Variants in TOMM40 observed in about 807,000 individuals in gnomAD.
TOMM40 encodes the protein mitochondrial import receptor subunit TOM40 homolog.
TOMM40 carries 9 observed loss-of-function variants against 38.4 expected under a neutral mutation model. That is an observed-to-expected ratio of 0.23 (90% confidence interval 0.14 to 0.41). TOMM40 has a LOEUF of 0.41. Ranked by LOEUF, TOMM40 falls within the 10% of genes least tolerant of loss-of-function variation. TOMM40 has a pLI of 1.00. For synonymous variants in TOMM40, 184 were observed against 210.0 expected (o/e 0.88, Z 1.07); for missense variants, 299 against 486.5 (o/e 0.61, Z 3.63).
At chr19:44,901,334 CG>C (rs1568611202) in intron 8 of TOMM40, 24 bp downstream of exon 8, 11 of 1,605,272 alleles carry the variant, frequency 6.9e-6, no homozygotes, top group Non-Finnish European at 9.4e-6. Context: ...TTCCCCTACG[CG>C]GGAAACAGGC....
At chr19:44,901,592 T>G in intron 8 of TOMM40, 5 of 694,120 alleles carry the variant, frequency 7.2e-6, no homozygotes, top group Non-Finnish European at 4.4e-6. Context: ...AAAACAAAAT[T>G]AGCCGGGTGT....
At chr19:44,891,778 A>C in intron 1 of TOMM40, 89 bp downstream of exon 1, 2 of 1,284,874 alleles carry the variant, frequency 1.6e-6, no homozygotes, top group South Asian at 3.9e-5. Context: ...TTTGGCGCGC[A>C]CCATTGGAAT....
rs371552011 is a variant in TOMM40 at position 44,900,851 on chromosome 19, A to G, written c.765A>G (p.Thr255=). The G allele has an allele frequency of 6.8e-6, 11 of 1,613,636 alleles. No homozygotes were observed. In the African/African-American group the frequency reaches 1.3e-4, roughly 20 times the overall value. Residue 255 remains threonine, a splice_region_variant and synonymous_variant, in exon 6 of 9, where the codon ACA becomes ACG. Transcript: ENST00000426677. ...TCATGTCTCTAGCTGGGAAATACAC[A>G]TGTGAGCCTGGCGCCTGGGTCCGAG... ...GTVMSLAGKY[T]LNNWLATVTL... is the part of the protein sequence containing the mutation.
chr19:44,893,777 C>T lies in TOMM40; in HGVS notation c.436-3C>T. The T allele has an allele frequency of 1.2e-6, 2 of 1,611,642 alleles. No homozygotes were observed. Among genetic ancestry groups the T allele is most frequent in the Non-Finnish European group, 1.7e-6 (2 of 1,179,582 alleles). The stretch of plus-strand genomic sequence containing the variant: ...GACCCCTTCCGTTCTCTCTGCCTCA[C>T]AGGCGTTCCCTGTACTGGTGGGTGA... On this transcript the variant is annotated splice_region_variant and splice_polypyrimidine_tract_variant and intron_variant, in intron 3 of 8. Transcript: ENST00000426677.
Position 44,891,590 on chromosome 19 carries a change from G to A in TOMM40, c.175G>A (p.Gly59Arg). 6.8e-7 allele frequency: 1 copy of A among 1,466,022 alleles called. No individual in the cohort carries two copies. Among genetic ancestry groups the A allele is most frequent in the East Asian group, 3.0e-5 (1 of 33,866 alleles). 90.8% of individuals were successfully genotyped at this position (1,466,022 alleles called of 1,614,324 possible). A position where few individuals can be genotyped will look rare whatever the true frequency, so the allele number is the denominator to read the frequency against. Residue 59 changes from glycine (G) to arginine (R), a missense_variant, in exon 1 of 9, where the codon GGG (glycine) becomes AGG (arginine). Physicochemically the swap from Gly to Arg is moderately radical, Grantham distance 125. Transcript: ENST00000426677. ...STSRSSERTP[G>R]AATASASGAA... ...GAGTCGAAGTTCGGAACGGACCCCC[G>A]GGGCTGCAACCGCCAGCGCCTCAGG... is the stretch of plus-strand genomic sequence containing the variant.
intron 5 of TOMM40, among the ~76,000 whole-genome samples, chr19:44,894,460 C>T (rs868519802): frequency 6.6e-6 from 1 of 152,112 alleles, no homozygotes; most frequent in Non-Finnish European, 1.5e-5. Flanking sequence ...CAGGGTTTCA[C>T]CACATTGGTC....
intron 3 of TOMM40, among the ~76,000 whole-genome samples, chr19:44,893,408 G>T (rs59007384): frequency 0.23 from 35,191 of 152,086 alleles, 4,206 homozygotes; most frequent in African/African-American, 0.29. Context: ...CCCAGACAGG[G>T]TTGGGGGGAC....
intron 7 of TOMM40, 40 bp from the exon 8 acceptor site, chr19:44,901,168 G>A (rs1969674248): frequency 1.2e-6 from 2 of 1,613,792 alleles, no homozygotes; most frequent in Non-Finnish European, 1.7e-6. Context: ...TCCAGGTGGG[G>A]CCACTTGCTA....
chr19:44,900,986 C>G, intron 6 of TOMM40, 42 bp from the exon 7 acceptor site: 1 of 1,612,712 alleles, frequency 6.2e-7, no homozygotes, highest in Non-Finnish European at 8.5e-7. Context: ...TGCCCAAATC[C>G]CCTTGGTAAT....
At chr19:44,893,731 C>T (rs1599936345) in intron 3 of TOMM40, 49 bp from the exon 4 acceptor site, 1 of 1,539,790 alleles carries the variant, frequency 6.5e-7, no homozygotes, top group East Asian at 2.3e-5. Flanking sequence ...ATCTCACATA[C>T]TTGCACAGTG....
In TOMM40 at chr19:44,892,878, C is replaced by T. The variant is rs757746446; in HGVS notation, c.384C>T (p.Asn128=). The T allele has an allele frequency of 1.9e-6, 3 of 1,613,906 alleles. No homozygotes were observed. Among genetic ancestry groups the T allele is most frequent in the East Asian group, 2.2e-5 (1 of 44,896 alleles). Residue 128 remains asparagine, a synonymous_variant, in exon 3 of 9, where the codon AAC becomes AAT. Transcript: ENST00000426677. ...CCCTCAGCACAATCGGGGAGTCCAA[C>T]TACCACTTCGGGGTCACATATGTGG... ...TVALSTIGES[N]YHFGVTYVGT... is the part of the protein sequence containing the mutation.
intron 5 of TOMM40, among the ~76,000 whole-genome samples, chr19:44,896,636 C>T (rs1304382339): frequency 6.6e-6 from 1 of 152,160 alleles, no homozygotes; most frequent in South Asian, 2.1e-4. Context: ...AATTCAGGAG[C>T]CCGTGAGCCT....
rs894059862 is a variant in TOMM40 at position 44,903,163 on chromosome 19, C to T, written c.1080C>T (p.Ile360=). The T allele has an allele frequency of 7.5e-6, 12 of 1,610,014 alleles. No individual in the cohort carries two copies. Among genetic ancestry groups the T allele is most frequent in the South Asian group, 2.2e-5 (2 of 90,734 alleles). ...NKFQCGFGLT[I]G ...TTCAGTGTGGCTTTGGCCTCACCAT[C>T]GGCTGAGCCCTCCTGGCCCCCGCCT... The change falls in exon 9 of 9, where the codon ATC becomes ATT. Residue 360 remains isoleucine (I), a synonymous_variant. Coordinates refer to ENST00000426677, the MANE Select transcript of TOMM40 (RefSeq NM_001128917.2).
Position 44,893,793 on chromosome 19 carries a change from T to G in TOMM40, c.449T>G (p.Leu150Arg). 6.2e-7 allele frequency: 1 copy of G among 1,612,188 alleles called. No individual in the cohort carries two copies. The highest frequency in any genetic ancestry group is 8.5e-7 in the Non-Finnish European group (1 of 1,179,988). The change falls in exon 4 of 9, where the codon CTG becomes CGG. Residue 150 changes from leucine to arginine, a missense_variant. Transcript: ENST00000426677. ...QLSPTEAFPV[L>R]VGDMDNSGSL... ...TCTGCCTCACAGGCGTTCCCTGTAC[T>G]GGTGGGTGACATGGACAACAGTGGC...
In TOMM40 at chr19:44,903,116, C is replaced by T. The variant is rs1215895018; in HGVS notation, c.1033C>T (p.Leu345=). The T allele has an allele frequency of 6.2e-7, 1 of 1,612,288 alleles. No individual in the cohort carries two copies. Among genetic ancestry groups the T allele is most frequent in the Non-Finnish European group, 8.5e-7 (1 of 1,179,982 alleles). The change falls in exon 9 of 9, where the codon CTG becomes TTG. Residue 345 remains leucine, a synonymous_variant. Coordinates refer to ENST00000426677, the MANE Select transcript of TOMM40 (RefSeq NM_001128917.2). The part of the protein sequence containing the change: ...LPLTLALGAF[L]NHRKNKFQCG... ...CCTGACACTGGCCCTTGGGGCCTTC[C>T]TGAATCACCGCAAGAACAAGTTTCA... is the stretch of plus-strand genomic sequence containing the variant.
intron 1 of TOMM40, 24 bp downstream of exon 1, chr19:44,891,713 G>A (rs779555479): frequency 4.2e-6 from 6 of 1,424,902 alleles, no homozygotes; most frequent in Non-Finnish European, 5.5e-6. Context: ...GGCCCCCGCT[G>A]GGCTGCGATG....
chr19:44,894,023 A>G lies in TOMM40; in HGVS notation c.600A>G (p.Thr200=). ...GGGAGTATCGGGGCTCTGACTTCAC[A>G]GCAGCCGTCACCCTGGGGAACCCAG... ...VDGEYRGSDF[T]AAVTLGNPDV... is the part of the protein sequence containing the mutation. Residue 200 remains threonine, a synonymous_variant, in exon 5 of 9, where the codon ACA becomes ACG. Coordinates refer to ENST00000426677, the MANE Select transcript of TOMM40 (RefSeq NM_001128917.2). The G allele has an allele frequency of 1.3e-6, 2 of 1,536,372 alleles. No individual in the cohort carries two copies. Among genetic ancestry groups the G allele is most frequent in the East Asian group, 2.3e-5 (1 of 43,212 alleles).
At chr19:44,899,025 G>A (rs1458817249) in intron 5 of TOMM40, among the ~76,000 whole-genome samples, 6 of 150,764 alleles carry the variant, frequency 4.0e-5, no homozygotes, top group Non-Finnish European at 8.9e-5. Flanking sequence ...CCAGCTACTC[G>A]GAGAGGCTGA....
chr19:44,893,691 T>C, intron 3 of TOMM40, 89 bp from the exon 4 acceptor site: 4 of 1,134,148 alleles, frequency 3.5e-6, no homozygotes, highest in Non-Finnish European at 5.0e-6. Context: ...CATCCGAGGC[T>C]TTCTGACCCT....
Sources: gnomAD v4.1 joint callset for allele counts (sites outside exome capture counted in the v4.1 genomes callset) on GRCh38, gnomAD v4.1.1 for gene constraint, MANE v1.5 for transcripts, NCBI Gene and HGNC (gene_info 2026-07-23, HGNC 2026-07-21) for gene names.